MYOF: variants seen among roughly 807,000 people sequenced by gnomAD.
MYOF encodes myoferlin.
In MYOF, 244 loss-of-function variants were observed where a neutral mutation model predicts 284.2. The ratio of observed to expected loss-of-function variants is 0.86; its 90% CI spans 0.77 to 0.95. MYOF has a LOEUF of 0.95. MYOF is among the 40% of genes least tolerant of loss of function. The pLI is 0.00. For missense variants in MYOF, 2,496 were observed against 2,560.6 expected (o/e 0.97, Z 0.54); for synonymous variants, 904 against 919.7 (o/e 0.98, Z 0.31).
At chr10:93,438,162 G>C (rs1168745630) in intron 3 of MYOF, among the ~76,000 whole-genome samples, 1 of 152,058 alleles carries the variant, frequency 6.6e-6, no homozygotes, top group Non-Finnish European at 1.5e-5. Context: ...CCCTGACTGT[G>C]ACATTTCCTC....
chr10:93,364,842 AC>A (rs1398611046), intron 26 of MYOF, among the ~76,000 whole-genome samples: 1 of 152,068 alleles, frequency 6.6e-6, no homozygotes, highest in Non-Finnish European at 1.5e-5. Context: ...AGAATCCAGC[AC>A]AGGAAAGGAA....
intron 5 of MYOF, among the ~76,000 whole-genome samples, chr10:93,417,179 C>T (rs1035392803): frequency 6.6e-6 from 1 of 152,182 alleles, no homozygotes; most frequent in African/African-American, 2.4e-5. Flanking sequence ...ATTATAATGT[C>T]ACTTGGTCAA....
At chr10:93,477,048 A>G (rs181744624) in intron 1 of MYOF, among the ~76,000 whole-genome samples, 12 of 152,348 alleles carry the variant, frequency 7.9e-5, no homozygotes, top group Middle Eastern at 3.4e-3. Flanking sequence ...ATGTGAATGT[A>G]ATGTTGCCAC....
intron 4 of MYOF, among the ~76,000 whole-genome samples, chr10:93,429,241 C>T (rs111781193): frequency 5.4e-4 from 82 of 152,312 alleles, no homozygotes; most frequent in African/African-American, 1.8e-3. Flanking sequence ...ATGTGTCACG[C>T]CTGCTTCCTC....
At chr10:93,440,986 G>T (rs1335013644) in intron 3 of MYOF, among the ~76,000 whole-genome samples, 1 of 152,182 alleles carries the variant, frequency 6.6e-6, no homozygotes, top group Non-Finnish European at 1.5e-5. Context: ...GATCATTTCA[G>T]TGTCATTGCT....
At chr10:93,366,043 G>A (rs1022841665) in intron 26 of MYOF, among the ~76,000 whole-genome samples, 3 of 150,200 alleles carry the variant, frequency 2.0e-5, no homozygotes. Flanking sequence ...TGAAACTGAC[G>A]GGGGACCTTG....
Position 93,361,515 on chromosome 10 carries a change from G to C in MYOF, c.2911C>G (p.Pro971Ala), listed in dbSNP as rs763801361. 6.8e-6 allele frequency: 11 copies of C among 1,614,136 alleles called. No homozygotes were observed. Among genetic ancestry groups the C allele is most frequent in the South Asian group, 5.5e-5 (5 of 91,080 alleles). Residue 971 changes from proline to alanine, a missense_variant, in exon 28 of 54, where the codon CCA (proline) becomes GCA (alanine). By Grantham distance (27) the Pro-to-Ala change is conservative. This residue lies in a region of MYOF where 2,436 missense variants were observed against 2,480.7 expected (regional missense o/e 0.98). Coordinates refer to ENST00000359263, the MANE Select transcript of MYOF (RefSeq NM_013451.4). ...AASPSELTCP[P>A]GWEWEDDAWS... ...GCATCATCTTCCCATTCCCAACCTG[G>C]AGGACAAGTCAACTCGCTGGGTGAT...
chr10:93,328,041 A>G (rs184718490), intron 45 of MYOF, among the ~76,000 whole-genome samples: 62 of 152,242 alleles, frequency 4.1e-4, no homozygotes, highest in Non-Finnish European at 6.0e-4. Context: ...AAGTGCTGAG[A>G]TTACAGGTGT....
At chr10:93,340,402 C>G in intron 38 of MYOF, among the ~76,000 whole-genome samples, 1 of 152,178 alleles carries the variant, frequency 6.6e-6, no homozygotes, top group East Asian at 1.9e-4. Flanking sequence ...AGGTTACACA[C>G]AGTATTATAA....
chr10:93,355,188 A>T lies in MYOF; in HGVS notation c.3403+440T>A, dbSNP rs182800352. 7.2e-5 allele frequency among the ~76,000 whole-genome samples: 11 copies of T among 152,352 alleles called. No individual in the cohort carries two copies. The East Asian group carries it at 2.1e-3, about 29-fold the overall frequency. ...GTTTTAAAAACTCCTTTCATCAAGGATGAAAATGAAAGTCACGTTTGCATG... is the reference window on the plus strand; with the variant it reads ...GTTTTAAAAACTCCTTTCATCAAGGTTGAAAATGAAAGTCACGTTTGCATG... On this transcript the variant is annotated intron_variant, in intron 31 of 53. Transcript: ENST00000359263.
chr10:93,430,874 A>AGC (rs1208580586), intron 4 of MYOF, among the ~76,000 whole-genome samples: 3 of 152,192 alleles, frequency 2.0e-5, no homozygotes, highest in African/African-American at 7.2e-5. Flanking sequence ...TTTTATTTAA[A>AGC]GCACACACAC....
At chr10:93,339,469 T>C (rs1280135336) in intron 39 of MYOF, among the ~76,000 whole-genome samples, 3 of 151,924 alleles carry the variant, frequency 2.0e-5, no homozygotes, top group East Asian at 3.9e-4. Flanking sequence ...TGGATTTAGT[T>C]CTTTTTTTAA....
intron 21 of MYOF, 127 bp downstream of exon 21, chr10:93,379,736 A>G: frequency 8.4e-7 from 1 of 1,195,204 alleles, no homozygotes; most frequent in Non-Finnish European, 1.2e-6. Flanking sequence ...CTGTTCCTAG[A>G]GACATTGCTC....
chr10:93,340,152 C>A lies in MYOF; in HGVS notation c.4338+1G>T. 1.2e-6 allele frequency: 2 copies of A among 1,613,886 alleles called. No individual in the cohort carries two copies. The highest frequency in any genetic ancestry group is 1.3e-5 in the African/African-American group (1 of 75,010). Reference sequence around the variant, plus strand: ...TGTAGCAAAATGTATACCATAGTTACCTTTTCTGTCAGCTGCTCGTGCACA... The same window carrying A: ...TGTAGCAAAATGTATACCATAGTTAACTTTTCTGTCAGCTGCTCGTGCACA... On this transcript the variant is annotated splice_donor_variant, in intron 39 of 53. Transcript: ENST00000359263. LOFTEE classifies it high-confidence loss of function.
Position 93,351,424 on chromosome 10 carries a change from G to T in MYOF, c.3811C>A (p.Leu1271Met). The change falls in exon 34 of 54, where the codon CTG (leucine) becomes ATG (methionine). Residue 1271 changes from leucine (L) to methionine (M), a missense_variant. By Grantham distance (15) the Leu-to-Met change is conservative. Transcript: ENST00000359263. ...ACACAGCAATGTACCTTGCCCCTCA[G>T]AATCAGCTCTGCAGTTACAAGAACA... is the stretch of plus-strand genomic sequence containing the variant. ...GDVLVTAELI[L>M]RGKDGSNLPI... 6.2e-7 allele frequency: 1 copy of T among 1,614,104 alleles called. No homozygotes were observed.
At chr10:93,355,587 T>TAAAA in intron 31 of MYOF, 41 bp downstream of exon 31, 1 of 1,487,908 alleles carries the variant, frequency 6.7e-7, no homozygotes, top group Non-Finnish European at 9.2e-7. Flanking sequence ...CTTGAAAAAA[T>TAAAA]AAAATAAAAT....
At chr10:93,478,987 A>T (rs1280818332) in intron 1 of MYOF, among the ~76,000 whole-genome samples, 1 of 151,916 alleles carries the variant, frequency 6.6e-6, no homozygotes, top group African/African-American at 2.4e-5. Flanking sequence ...ACCATTAACA[A>T]TCACTTCCCC....
In MYOF at chr10:93,364,088, G is replaced by T. The variant is rs777343227; in HGVS notation, c.2754-13C>A. ...CTCAGTCAGCAAGCTGTGGGGCGGG[G>T]AGGGCTCAAGTTACCCAAGGAGACC... On this transcript the variant is annotated splice_polypyrimidine_tract_variant and intron_variant, in intron 26 of 53. Transcript: ENST00000359263. 2.5e-5 allele frequency: 41 copies of T among 1,611,494 alleles called. No individual in the cohort carries two copies. The Admixed American group carries it at 6.8e-4, about 27-fold the overall frequency.
intron 31 of MYOF, among the ~76,000 whole-genome samples, chr10:93,354,371 C>T (rs377388038): frequency 1.3e-5 from 2 of 152,196 alleles, no homozygotes; most frequent in Non-Finnish European, 2.9e-5. Flanking sequence ...GAGTGAGACT[C>T]GGTCTTAAAA....
Sources: gnomAD v4.1 joint callset for allele counts (sites outside exome capture counted in the v4.1 genomes callset) on GRCh38, gnomAD v4.1.1 for gene constraint, gnomAD v4.1.1 regional missense constraint, MANE v1.5 for transcripts, NCBI Gene and HGNC (gene_info 2026-07-23, HGNC 2026-07-21) for gene names.